MAD1L1: variants seen among roughly 807,000 people sequenced by gnomAD.
MAD1L1 encodes the protein mitotic spindle assembly checkpoint protein MAD1.
MAD1L1 carries 95 observed loss-of-function variants against 96.9 expected under a neutral mutation model. The observed-to-expected ratio is 0.98, with a 90% CI of 0.83 to 1.16. The LOEUF is 1.16. MAD1L1 is among the 50% of genes most tolerant of loss of function. The pLI is 0.00. For missense variants in MAD1L1, 1,007 were observed against 954.4 expected (o/e 1.06, Z -0.73); for synonymous variants, 473 against 396.6 (o/e 1.19, Z -2.29).
At chr7:1,995,175 C>T (rs1328824368) in intron 14 of MAD1L1, among the ~76,000 whole-genome samples, 2 of 152,204 alleles carry the variant, frequency 1.3e-5, no homozygotes, top group East Asian at 3.9e-4. Flanking sequence ...GTGACACCTG[C>T]TGTGGCCAGC....
chr7:2,069,150 G>A (rs369788217), intron 12 of MAD1L1, 44 bp downstream of exon 12: 86 of 1,522,352 alleles, frequency 5.6e-5, no homozygotes, highest in Non-Finnish European at 6.1e-5. Flanking sequence ...GCACTGACCC[G>A]CAGCTCCCTG....
chr7:1,851,663 C>T lies in MAD1L1; in HGVS notation c.1999-35435G>A, dbSNP rs1783985041. 2.0e-5 allele frequency among the ~76,000 whole-genome samples: 3 copies of T among 152,264 alleles called. No homozygotes were observed. The South Asian group carries it at 6.2e-4, about 32-fold the overall frequency. On this transcript the variant is annotated intron_variant, in intron 18 of 18. Coordinates refer to ENST00000265854, the MANE Select transcript of MAD1L1 (RefSeq NM_001013836.2). ...GTTAGTGAAGGCGTGGCGAGGAAGA[C>T]GGCAGGAGGTCCACACAGGGGAAGG...
At chr7:1,957,186 G>C (rs577600264) in intron 16 of MAD1L1, among the ~76,000 whole-genome samples, 56 of 152,344 alleles carry the variant, frequency 3.7e-4, no homozygotes, top group Non-Finnish European at 6.8e-4. Flanking sequence ...AAATAGATTT[G>C]ATCTGCCTCT....
At chr7:2,211,832 G>A (rs543063187) in intron 10 of MAD1L1, among the ~76,000 whole-genome samples, 84 of 152,334 alleles carry the variant, frequency 5.5e-4, no homozygotes, top group African/African-American at 1.9e-3. Flanking sequence ...GCAGTCGGAC[G>A]GTGTGGTCAA....
intron 10 of MAD1L1, among the ~76,000 whole-genome samples, chr7:2,188,700 C>T (rs1791574727): frequency 6.6e-6 from 1 of 151,892 alleles, no homozygotes; most frequent in Non-Finnish European, 1.5e-5. Flanking sequence ...AATCAAAGAC[C>T]TAAATGTAAG....
intron 7 of MAD1L1, among the ~76,000 whole-genome samples, chr7:2,216,969 G>A (rs928101876): frequency 4.6e-5 from 7 of 152,048 alleles, no homozygotes; most frequent in East Asian, 1.9e-4. Context: ...CCAGCCCTCC[G>A]CGTACTGGGA....
chr7:1,868,224 C>G (rs182159174), intron 18 of MAD1L1, among the ~76,000 whole-genome samples: 1 of 152,134 alleles, frequency 6.6e-6, no homozygotes, highest in African/African-American at 2.4e-5. Flanking sequence ...TGAGGCAGAA[C>G]AGGGAGCCAA....
chr7:1,902,266 G>C (rs889724111), intron 17 of MAD1L1, among the ~76,000 whole-genome samples: 1 of 152,218 alleles, frequency 6.6e-6, no homozygotes, highest in Non-Finnish European at 1.5e-5. Flanking sequence ...GCAGGAAAGA[G>C]AGGCTTTACA....
chr7:1,923,627 C>T (rs980774698), intron 17 of MAD1L1, among the ~76,000 whole-genome samples: 2 of 152,290 alleles, frequency 1.3e-5, no homozygotes, highest in African/African-American at 4.8e-5. Context: ...CCTGTTCCAA[C>T]GCTGTGGCTG....
intron 11 of MAD1L1, among the ~76,000 whole-genome samples, chr7:2,084,049 CG>C (rs1040833440): frequency 2.0e-5 from 3 of 152,228 alleles, no homozygotes; most frequent in African/African-American, 7.2e-5. Context: ...ACATCCGAGC[CG>C]CCATTCCCTT....
intron 17 of MAD1L1, among the ~76,000 whole-genome samples, chr7:1,927,428 A>G (rs1401934200): frequency 6.6e-6 from 1 of 152,208 alleles, no homozygotes; most frequent in Non-Finnish European, 1.5e-5. Context: ...TGATTTCGAG[A>G]CTTACTACGA....
chr7:2,204,631 C>G (rs1262093956), intron 10 of MAD1L1, among the ~76,000 whole-genome samples: 1 of 152,244 alleles, frequency 6.6e-6, no homozygotes, highest in Non-Finnish European at 1.5e-5. Context: ...TTCCAAGCAC[C>G]GCCGCTGCCG....
intron 5 of MAD1L1, chr7:2,221,084 A>C: frequency 1.3e-6 from 2 of 1,541,298 alleles, no homozygotes; most frequent in Non-Finnish European, 8.8e-7. Flanking sequence ...AGGAGCGGCC[A>C]CCTCGGCTTA....
intron 17 of MAD1L1, among the ~76,000 whole-genome samples, chr7:1,932,117 G>A (rs1279416107): frequency 6.6e-6 from 1 of 152,228 alleles, no homozygotes; most frequent in African/African-American, 2.4e-5. Context: ...AATCTCTGGT[G>A]GGTTCCAGCC....
At chr7:1,896,686 G>A (rs544240471) in intron 18 of MAD1L1, among the ~76,000 whole-genome samples, 2 of 152,152 alleles carry the variant, frequency 1.3e-5, no homozygotes, top group Admixed American at 6.5e-5. Context: ...TTGGATTTTC[G>A]ACACTCTCAA....
intron 10 of MAD1L1, among the ~76,000 whole-genome samples, chr7:2,185,634 T>C (rs896006472): frequency 7.2e-5 from 11 of 152,212 alleles, no homozygotes; most frequent in Admixed American, 2.0e-4. Flanking sequence ...TTCTAGATTT[T>C]TTTTTTCCTT....
At chr7:2,144,225 G>A (rs977715315) in intron 11 of MAD1L1, among the ~76,000 whole-genome samples, 2 of 152,334 alleles carry the variant, frequency 1.3e-5, no homozygotes, top group African/African-American at 2.4e-5. Context: ...AGCTGGGAGC[G>A]TCTGTGAGGC....
intron 12 of MAD1L1, among the ~76,000 whole-genome samples, chr7:2,028,194 G>A (rs1783065823): frequency 1.3e-5 from 2 of 152,130 alleles, no homozygotes; most frequent in Admixed American, 6.5e-5. Context: ...GGGAGGCCGA[G>A]GCAGGCGGAT....
At chr7:2,040,609 C>T (rs1397704738) in intron 12 of MAD1L1, among the ~76,000 whole-genome samples, 1 of 152,166 alleles carries the variant, frequency 6.6e-6, no homozygotes, top group Non-Finnish European at 1.5e-5. Flanking sequence ...TCTGTCTTCC[C>T]AGCTGCTATT....
Sources: allele counts gnomAD v4.1 joint callset (sites outside exome capture counted in the v4.1 genomes callset), GRCh38; gene constraint gnomAD v4.1.1; transcripts MANE v1.5; gene names NCBI Gene and HGNC (gene_info 2026-07-23, HGNC 2026-07-21).